Variants in SYT14 observed in about 807,000 individuals in gnomAD.
SYT14 encodes the protein synaptotagmin 14, also known as synaptotagmin-14.
SYT14 carries 32 observed loss-of-function variants against 74.2 expected under a neutral mutation model. The ratio of observed to expected loss-of-function variants is 0.43; its 90% CI spans 0.33 to 0.58. The LOEUF is 0.58. Ranked by LOEUF, SYT14 falls within the 20% of genes least tolerant of loss-of-function variation. The pLI is 0.05. For synonymous variants in SYT14, 298 were observed against 337.7 expected (o/e 0.88, Z 1.29); for missense variants, 791 against 981.8 (o/e 0.81, Z 2.60).
intron 7 of SYT14, among the ~76,000 whole-genome samples, chr1:210,135,576 A>G (rs570764451): frequency 6.6e-6 from 1 of 152,248 alleles, no homozygotes. Flanking sequence ...TTTCTGGATC[A>G]GTTTTTATCA....
At chr1:210,052,805 T>C (rs2081027241) in intron 5 of SYT14, among the ~76,000 whole-genome samples, 1 of 152,038 alleles carries the variant, frequency 6.6e-6, no homozygotes, top group Admixed American at 6.5e-5. Flanking sequence ...CAGGAAATTA[T>C]TGAGGTGTTT....
intron 5 of SYT14, among the ~76,000 whole-genome samples, chr1:210,054,413 GT>G (rs1177563516): frequency 6.6e-6 from 1 of 152,024 alleles, no homozygotes. Context: ...TTAAGTAATT[GT>G]TCCTATTTTA....
At chr1:210,025,105 G>A (rs2080382429) in intron 5 of SYT14, among the ~76,000 whole-genome samples, 1 of 152,134 alleles carries the variant, frequency 6.6e-6, no homozygotes. Flanking sequence ...GGTTTTGTTT[G>A]TAACCCAACT....
At chr1:210,102,504 A>G (rs1334360921) in intron 7 of SYT14, among the ~76,000 whole-genome samples, 3 of 152,100 alleles carry the variant, frequency 2.0e-5, no homozygotes, top group East Asian at 1.9e-4. Context: ...GAATGTATAT[A>G]TTCTATATAT....
At chr1:209,981,450 CTTT>C (rs1183885685) in intron 2 of SYT14, among the ~76,000 whole-genome samples, 25 of 99,082 alleles carry the variant, frequency 2.5e-4, no homozygotes, top group East Asian at 9.5e-4. Context: ...TTTTTCTTTT[CTTT>C]TTTTTTTTTT....
exon 10 of SYT14, chr1:210,166,599 G>T (rs2083458396): frequency 1.3e-5 from 2 of 152,030 alleles, no homozygotes; most frequent in African/African-American, 4.8e-5. Flanking sequence ...AGAGAGGAAG[G>T]GAGGAGGAGA....
intron 1 of SYT14, among the ~76,000 whole-genome samples, chr1:209,940,381 T>TA (rs2078710197): frequency 1.3e-5 from 2 of 151,570 alleles, no homozygotes; most frequent in African/African-American, 4.9e-5. Context: ...TTTTTTTTTG[T>TA]ACAATAGCTG....
intron 7 of SYT14, among the ~76,000 whole-genome samples, chr1:210,109,003 C>T (rs2082210028): frequency 6.6e-6 from 1 of 151,958 alleles, no homozygotes. Context: ...GGATAATTTT[C>T]AAGAGGGCTA....
At chr1:209,971,127 A>G (rs2079248303) in intron 2 of SYT14, among the ~76,000 whole-genome samples, 3 of 152,000 alleles carry the variant, frequency 2.0e-5, no homozygotes, top group Admixed American at 1.3e-4. Context: ...ATTCCTAGAT[A>G]TTTCTTTTTT....
chr1:209,994,403 A>C (rs1405874088), intron 2 of SYT14, among the ~76,000 whole-genome samples: 1 of 152,222 alleles, frequency 6.6e-6, no homozygotes, highest in African/African-American at 2.4e-5. Flanking sequence ...TTAGACTTTG[A>C]AGATTGTTTC....
intron 2 of SYT14, among the ~76,000 whole-genome samples, chr1:210,005,077 G>A (rs925353925): frequency 3.9e-4 from 60 of 152,090 alleles, no homozygotes; most frequent in African/African-American, 1.4e-3. Flanking sequence ...TGCTGGTAAG[G>A]TTAGATGAAG....
At chr1:209,971,508 T>C (rs1359022594) in intron 2 of SYT14, among the ~76,000 whole-genome samples, 1 of 152,212 alleles carries the variant, frequency 6.6e-6, no homozygotes, top group Non-Finnish European at 1.5e-5. Flanking sequence ...CAGTATAATA[T>C]TGGCTATGGG....
At chr1:209,986,182 C>G (rs1162458092) in intron 2 of SYT14, among the ~76,000 whole-genome samples, 2 of 152,176 alleles carry the variant, frequency 1.3e-5, no homozygotes, top group Admixed American at 1.3e-4. Context: ...TGCAAATTTT[C>G]CAAACTTTTA....
At chr1:209,940,161 G>A (rs528263471) in intron 1 of SYT14, among the ~76,000 whole-genome samples, 4 of 152,234 alleles carry the variant, frequency 2.6e-5, no homozygotes, top group African/African-American at 9.6e-5. Context: ...GTTCGAATTA[G>A]CCTAACTGTG....
chr1:210,059,188 G>A (rs905837845), intron 5 of SYT14, among the ~76,000 whole-genome samples: 1 of 151,848 alleles, frequency 6.6e-6, no homozygotes, highest in Non-Finnish European at 1.5e-5. Flanking sequence ...GACTGGTAAT[G>A]AATGAACTCT....
At chr1:209,938,674 C>G (rs1016979010) in intron 1 of SYT14, among the ~76,000 whole-genome samples, 1 of 152,136 alleles carries the variant, frequency 6.6e-6, no homozygotes, top group African/African-American at 2.4e-5. Context: ...GCTGCCCTTT[C>G]TTTTCTTTCC....
intron 2 of SYT14, among the ~76,000 whole-genome samples, chr1:209,954,534 TA>T (rs1315673693): frequency 6.6e-6 from 1 of 152,208 alleles, no homozygotes; most frequent in Non-Finnish European, 1.5e-5. Context: ...GAATATTTCA[TA>T]AGTATTTGAA....
At chr1:210,013,986 C>T (rs2080137065) in intron 3 of SYT14, among the ~76,000 whole-genome samples, 189 bp downstream of exon 3, 1 of 152,094 alleles carries the variant, frequency 6.6e-6, no homozygotes, top group Admixed American at 6.6e-5. Flanking sequence ...ATTGCTGTTA[C>T]ATAAAGGTGA....
intron 1 of SYT14, among the ~76,000 whole-genome samples, chr1:209,943,797 A>T (rs933193898): frequency 1.3e-5 from 2 of 152,172 alleles, no homozygotes; most frequent in Non-Finnish European, 2.9e-5. Context: ...TTACATATGA[A>T]TAATGTAAGA....
Sources: gnomAD v4.1 joint callset for allele counts (sites outside exome capture counted in the v4.1 genomes callset) on GRCh38, gnomAD v4.1.1 for gene constraint, MANE v1.5 for transcripts, NCBI Gene and HGNC (gene_info 2026-07-23, HGNC 2026-07-21) for gene names.